Variants in SFTPB observed in about 807,000 individuals in gnomAD.
SFTPB encodes surfactant protein B, also known as pulmonary surfactant-associated protein B.
SFTPB carries 32 observed loss-of-function variants against 51.0 expected under a neutral mutation model. That is an observed-to-expected ratio of 0.63 (90% CI 0.47 to 0.84). SFTPB has a LOEUF of 0.84. SFTPB is among the 40% of genes least tolerant of loss of function. The pLI is 0.00. For synonymous variants in SFTPB, 211 were observed against 208.5 expected (o/e 1.01, Z -0.10); for missense variants, 431 against 491.2 (o/e 0.88, Z 1.16).
Position 85,666,611 on chromosome 2 carries a change from C to G in SFTPB, c.393+6G>C. 1 of 1,613,158 alleles carries G rather than the reference C, an allele frequency of 6.2e-7. No homozygotes were observed. The highest frequency in any genetic ancestry group is 8.5e-7 in the Non-Finnish European group (1 of 1,179,534). ...GGCAGGCAGGAGGTGAGCTTGCAGCCCTCACAGTCTGGTTCTGGAAGTAGT... is the reference window on the plus strand; with the variant it reads ...GGCAGGCAGGAGGTGAGCTTGCAGCGCTCACAGTCTGGTTCTGGAAGTAGT... On this transcript the variant is annotated splice_donor_region_variant and intron_variant, in intron 4 of 10. Coordinates refer to ENST00000519937, the MANE Select transcript of SFTPB (RefSeq NM_000542.5).
At position 85,665,685 on chromosome 2, in the gene SFTPB, A is replaced by G; in HGVS notation, c.503T>C (p.Leu168Pro). 1 of 1,614,202 alleles carries G rather than the reference A, an allele frequency of 6.2e-7. No homozygotes were observed. Among genetic ancestry groups the G allele is most frequent in the Non-Finnish European group, 8.5e-7 (1 of 1,180,044 alleles). Residue 168 changes from leucine to proline, a missense_variant, in exon 5 of 11, where the codon CTG (leucine) becomes CCG (proline). By Grantham distance (98) the Leu-to-Pro change is moderately conservative (BLOSUM62 -3). Coordinates refer to ENST00000519937, the MANE Select transcript of SFTPB (RefSeq NM_000542.5). ...GAGCTTGTCCAGCAGAGGGTCTGGC[A>G]GAGGGTCCCGCAGAGGTTTGGGCAG... Reference protein sequence around the residue: ...DPLPKPLRDPLPDPLLDKLVL... With the variant: ...DPLPKPLRDPPPDPLLDKLVL...
In SFTPB at chr2:85,663,729, C is replaced by T. The variant is rs371267944; in HGVS notation, c.791G>A (p.Arg264His). 7.5e-6 allele frequency: 12 copies of T among 1,610,582 alleles called. No homozygotes were observed. Among genetic ancestry groups the T allele is most frequent in the African/African-American group, 2.7e-5 (2 of 74,888 alleles). The change falls in exon 7 of 11, where the codon CGC (arginine) becomes CAC (histidine). Residue 264 changes from arginine to histidine, a missense_variant. Transcript: ENST00000519937. The part of the protein sequence containing the change: ...SVILLDTLLG[R>H]MLPQLVCRLV... The stretch of plus-strand genomic sequence containing the variant: ...GCGGCAGACCAGCTGGGGCAGCATG[C>T]GGCCCAGCAGCGTGTCGAGCAGGAT...
At chr2:85,665,857 C>A in intron 4 of SFTPB, 63 bp from the exon 5 acceptor site, 1 of 1,528,986 alleles carries the variant, frequency 6.5e-7, no homozygotes. Flanking sequence ...CTATTCAGGC[C>A]GGCCCAAGGG....
At chr2:85,668,237 C>T (rs34024265), upstream of SFTPB, 84 of 1,524,286 alleles carry the variant, frequency 5.5e-5, no homozygotes, top group African/African-American at 8.3e-5. Context: ...TATAGCTGGG[C>T]GGGGCGTGGG....
rs755711266 is a variant in SFTPB, at chr2:85,665,601, C to T, written c.582+5G>A. 4 of 1,613,338 alleles carry T rather than the reference C, an allele frequency of 2.5e-6. No homozygotes were observed. The highest frequency in any genetic ancestry group is 3.4e-6 in the Non-Finnish European group (4 of 1,179,902). On this transcript the variant is annotated splice_donor_5th_base_variant and intron_variant, in intron 5 of 10. Coordinates refer to ENST00000519937, the MANE Select transcript of SFTPB (RefSeq NM_000542.5). Reference sequence around the variant, plus strand: ...CACTTTACTGGCTGTGGGGGCCTCCCTCACCTGTGTGTGAGGCCCAGGCCT... The same window carrying T: ...CACTTTACTGGCTGTGGGGGCCTCCTTCACCTGTGTGTGAGGCCCAGGCCT...
Position 85,665,621 on chromosome 2 carries a change from A to G in SFTPB, c.567T>C (p.Pro189=), listed in dbSNP as rs1677538013. Reference sequence around the variant, plus strand: ...CCTCCCTCACCTGTGTGTGAGGCCCAGGCCTCGCCTGGAGGGCCCCGGGCA... The same window carrying G: ...CCTCCCTCACCTGTGTGTGAGGCCCGGGCCTCGCCTGGAGGGCCCCGGGCA... ...PVLPGALQAR[P]GPHTQDLSEQ... Residue 189 remains proline, a synonymous_variant, in exon 5 of 11, where the codon CCT becomes CCC. Transcript: ENST00000519937. The G allele has an allele frequency of 1.2e-6, 2 of 1,613,780 alleles. No individual in the cohort carries two copies. Among genetic ancestry groups the G allele is most frequent in the East Asian group, 2.2e-5 (1 of 44,860 alleles).
In SFTPB at chr2:85,665,434, G is replaced by T; in HGVS notation, c.583-56C>A. 4.1e-6 allele frequency: 6 copies of T among 1,468,650 alleles called. No homozygotes were observed. In the South Asian group the frequency reaches 6.8e-5, roughly 17 times the overall value. 91.0% of individuals were successfully genotyped at this position (1,468,650 alleles called of 1,614,324 possible). On this transcript the variant is annotated intron_variant, in intron 5 of 10. Coordinates refer to ENST00000519937, the MANE Select transcript of SFTPB (RefSeq NM_000542.5). ...GGGTGCTGGGAGAAGAGTCCTCCAG[G>T]CTCTCCTCCCCTCTCTCTTCCTCCC...
Position 85,666,653 on chromosome 2 carries a change from G to A in SFTPB, c.357C>T (p.Tyr119=), listed in dbSNP as rs368293273. 85 of 1,613,544 alleles carry A rather than the reference G, an allele frequency of 5.3e-5. No individual in the cohort carries two copies. The highest frequency in any genetic ancestry group is 6.8e-5 in the Non-Finnish European group (80 of 1,179,686). The change falls in exon 4 of 11, where the codon TAC becomes TAT. Residue 119 remains tyrosine, a synonymous_variant. Coordinates refer to ENST00000519937, the MANE Select transcript of SFTPB (RefSeq NM_000542.5). ...GGAAGTAGTCGATGACCAGGGGGAA[G>A]TAGTCGTCAAGCACTTGGTTGCACT... The part of the protein sequence containing the change: ...MPQCNQVLDD[Y]FPLVIDYFQN...
chr2:85,666,210 G>GC, intron 4 of SFTPB, among the ~76,000 whole-genome samples: 1 of 127,656 alleles, frequency 7.8e-6, no homozygotes, highest in Non-Finnish European at 1.6e-5. Context: ...GGTGCTGTGT[G>GC]TGTGCTGTGT....
In SFTPB at chr2:85,663,484, C is replaced by A; in HGVS notation, c.864G>T (p.Pro288=). The A allele has an allele frequency of 1.2e-6, 2 of 1,613,848 alleles. No homozygotes were observed. The highest frequency in any genetic ancestry group is 1.7e-6 in the Non-Finnish European group (2 of 1,180,000). The change falls in exon 8 of 11, where the codon CCG becomes CCT. Residue 288 remains proline, a synonymous_variant. Transcript: ENST00000519937. ...SMDDSAGPRS[P]TGEWLPRDSE... Reference sequence around the variant, plus strand: ...AGTCTCGCGGCAGCCATTCTCCTGTCGGCGACCCTGGAGATGTGAGCATTA... The same window carrying A: ...AGTCTCGCGGCAGCCATTCTCCTGTAGGCGACCCTGGAGATGTGAGCATTA...
chr2:85,667,519 G>T (rs887576379), intron 2 of SFTPB, among the ~76,000 whole-genome samples, 160 bp downstream of exon 2: 1 of 151,372 alleles, frequency 6.6e-6, no homozygotes, highest in Non-Finnish European at 1.5e-5. Context: ...GTATCCCATC[G>T]CATCCATCCC....
chr2:85,662,423 T>A, intron 8 of SFTPB: 1 of 592,386 alleles, frequency 1.7e-6, no homozygotes, highest in South Asian at 2.3e-5. Context: ...ATCTGGTCCT[T>A]GAGACCAGAT....
At chr2:85,661,811 C>T (rs1040120232) in intron 9 of SFTPB, among the ~76,000 whole-genome samples, 1 of 152,180 alleles carries the variant, frequency 6.6e-6, no homozygotes, top group South Asian at 2.1e-4. Context: ...GACATCCAGC[C>T]GCACTCCTCA....
intron 3 of SFTPB, 114 bp downstream of exon 3, chr2:85,666,992 C>A: frequency 9.6e-7 from 1 of 1,040,188 alleles, no homozygotes; most frequent in East Asian, 2.5e-5. Context: ...ACTTCCCAGG[C>A]ACCCAGGCCT....
chr2:85,662,529 C>T (rs375725776), intron 8 of SFTPB, among the ~76,000 whole-genome samples: 1 of 152,162 alleles, frequency 6.6e-6, no homozygotes, highest in Non-Finnish European at 1.5e-5. Flanking sequence ...TTCCTCAGGA[C>T]AGGATCTCGC....
intron 3 of SFTPB, 48 bp downstream of exon 3, chr2:85,667,058 C>T: frequency 6.7e-7 from 1 of 1,487,264 alleles, no homozygotes; most frequent in Non-Finnish European, 9.4e-7. Flanking sequence ...CTGCTCTGTC[C>T]CTCATCTCTT....
chr2:85,660,724 G>C (rs1677252130), intron 10 of SFTPB, among the ~76,000 whole-genome samples: 1 of 152,184 alleles, frequency 6.6e-6, no homozygotes, highest in East Asian at 1.9e-4. Flanking sequence ...CAAAGTGCTG[G>C]GATTACCGGC....
At position 85,663,448 on chromosome 2, in the gene SFTPB, G is replaced by C. The variant is rs571612847; in HGVS notation, c.900C>G (p.His300Gln). The change falls in exon 8 of 11, where the codon CAC becomes CAG. Residue 300 changes from histidine (H) to glutamine (Q), a missense_variant. His to Gln is a conservative substitution (Grantham distance 24, BLOSUM62 0). Coordinates refer to ENST00000519937, the MANE Select transcript of SFTPB (RefSeq NM_000542.5). The stretch of plus-strand genomic sequence containing the variant: ...CCTGGGTGGTCACGGACATGCAGAG[G>C]TGGCACTCAGAGTCTCGCGGCAGCC... ...GEWLPRDSEC[H>Q]LCMSVTTQAG... is the part of the protein sequence containing the mutation. 15 of 1,614,036 alleles carry C rather than the reference G, an allele frequency of 9.3e-6. No individual in the cohort carries two copies. The highest frequency in any genetic ancestry group is 1.3e-5 in the Non-Finnish European group (15 of 1,180,000).
At position 85,666,390 on chromosome 2, in the gene SFTPB, A is replaced by G. The variant is rs796195383; in HGVS notation, c.393+227T>C. 2.7e-4 allele frequency: 89 copies of G among 335,258 alleles called. 1 individual carries two copies. The highest frequency in any genetic ancestry group is 1.6e-3 in the East Asian group (30 of 18,330). 20.8% of individuals were successfully genotyped at this position (335,258 alleles called of 1,614,324 possible). On this transcript the variant is annotated intron_variant, in intron 4 of 10. Coordinates refer to ENST00000519937, the MANE Select transcript of SFTPB (RefSeq NM_000542.5). ...GTGTGTGTGTCCGGCCAGCTGGGGT[A>G]CTGTGTGTGTGTGTGTCCGGCCAGC...
Sources: allele counts gnomAD v4.1 joint callset (sites outside exome capture counted in the v4.1 genomes callset), GRCh38; gene constraint gnomAD v4.1.1; transcripts MANE v1.5; gene names NCBI Gene and HGNC (gene_info 2026-07-23, HGNC 2026-07-21).